The following KDM4C variants were observed in gnomAD, a reference collection of about 807,000 sequenced individuals.
KDM4C encodes the protein lysine demethylase 4C.
KDM4C carries 81 observed loss-of-function variants against 129.3 expected under a neutral mutation model. The ratio of observed to expected loss-of-function variants is 0.63; its 90% CI spans 0.52 to 0.75. The LOEUF is 0.75. Ranked by LOEUF, KDM4C falls within the 30% of genes least tolerant of loss-of-function variation. KDM4C has a pLI of 0.00. For synonymous variants in KDM4C, 573 were observed against 456.1 expected, an observed-to-expected ratio of 1.26 and a Z score of -3.26; for missense variants, 1,457 against 1,304.0, an observed-to-expected ratio of 1.12 and a Z score of -1.81.
intron 19 of KDM4C, 89 bp downstream of exon 19, chr9:7,128,325 C>G (rs1840245234): frequency 1.0e-6 from 1 of 1,001,610 alleles, no homozygotes; most frequent in South Asian, 2.5e-5. Flanking sequence ...TTTCTTTTGG[C>G]TTTTTGAGTA....
chr9:7,031,127 CTTGT>C (rs563216335), intron 15 of KDM4C, among the ~76,000 whole-genome samples: 1 of 138,324 alleles, frequency 7.2e-6, no homozygotes, highest in Non-Finnish European at 1.6e-5. Context: ...CTTTATTTTA[CTTGT>C]TTATTTATTT....
At chr9:7,016,440 T>C (rs1823704690) in intron 15 of KDM4C, among the ~76,000 whole-genome samples, 1 of 148,744 alleles carries the variant, frequency 6.7e-6, no homozygotes, top group East Asian at 2.0e-4. Context: ...TTTTTTTTTT[T>C]TTTTGAGATG....
intron 8 of KDM4C, among the ~76,000 whole-genome samples, chr9:6,930,033 A>G (rs1201281273): frequency 6.6e-6 from 1 of 152,148 alleles, no homozygotes; most frequent in East Asian, 1.9e-4. Flanking sequence ...TACTGGTGTA[A>G]TTGGATGAAT....
At chr9:6,807,472 G>A (rs2131046782) in intron 3 of KDM4C, among the ~76,000 whole-genome samples, 1 of 147,310 alleles carries the variant, frequency 6.8e-6, no homozygotes, top group East Asian at 2.0e-4. Context: ...CATCTAGGAA[G>A]TGAGGAGCGT....
intron 1 of KDM4C, among the ~76,000 whole-genome samples, chr9:6,778,840 G>T (rs1182478437): frequency 4.1e-5 from 6 of 147,530 alleles, no homozygotes; most frequent in Non-Finnish European, 7.4e-5. Flanking sequence ...TTAATTATGA[G>T]AAGGAGTCTC....
chr9:7,170,564 A>C (rs985510193), intron 21 of KDM4C: 2 of 954,130 alleles, frequency 2.1e-6, no homozygotes, highest in Non-Finnish European at 2.5e-6. Flanking sequence ...TTTAGACTTC[A>C]TATTATTGTA....
At chr9:6,740,622 G>A (rs1410202947) in intron 1 of KDM4C, among the ~76,000 whole-genome samples, 1 of 151,616 alleles carries the variant, frequency 6.6e-6, no homozygotes, top group Non-Finnish European at 1.5e-5. Flanking sequence ...GGGTTCAAGC[G>A]ATTCTCCTGC....
At chr9:6,989,160 G>A (rs2760653) in intron 11 of KDM4C, among the ~76,000 whole-genome samples, 1 of 151,712 alleles carries the variant, frequency 6.6e-6, no homozygotes, top group Admixed American at 6.6e-5. Context: ...AGCTGTCATC[G>A]TATATTGCAT....
intron 5 of KDM4C, among the ~76,000 whole-genome samples, chr9:6,854,538 A>C (rs1281708696): frequency 4.1e-5 from 6 of 146,096 alleles, no homozygotes; most frequent in South Asian, 2.1e-4. Flanking sequence ...AAAAAAAAAA[A>C]AAAAAAACAA....
intron 1 of KDM4C, among the ~76,000 whole-genome samples, chr9:6,747,172 G>A (rs1243579093): frequency 1.3e-5 from 2 of 151,150 alleles, no homozygotes; most frequent in African/African-American, 4.9e-5. Context: ...CAGCCCGGGT[G>A]ATAGAGCAAG....
In KDM4C at chr9:6,880,701, T is replaced by G. The variant is rs371350703; in HGVS notation, c.679+640T>G. Among the ~76,000 whole-genome samples the G allele has an allele frequency of 3.3e-5, 5 of 152,208 alleles. No homozygotes were observed. The East Asian group carries it at 7.7e-4, about 23-fold the overall frequency. ...TGCTGCTTCTTCTTTAGGGCCAGAA[T>G]AAAGAACTTTTCTGGACCTCTATTG... On this transcript the variant is annotated intron_variant, in intron 6 of 21. Coordinates refer to ENST00000381309, the MANE Select transcript of KDM4C (RefSeq NM_015061.6).
intron 8 of KDM4C, among the ~76,000 whole-genome samples, chr9:6,954,565 A>G (rs1828740372): frequency 6.6e-6 from 1 of 152,202 alleles, no homozygotes; most frequent in African/African-American, 2.4e-5. Context: ...ATCTATCTAT[A>G]AAATTATATG....
chr9:6,934,157 T>G (rs1346233862), intron 8 of KDM4C, among the ~76,000 whole-genome samples: 2 of 143,360 alleles, frequency 1.4e-5, no homozygotes, highest in African/African-American at 5.0e-5. Context: ...CTGGCCCAGG[T>G]CTTCCTGATT....
At chr9:7,040,620 T>C (rs1300139570) in intron 15 of KDM4C, among the ~76,000 whole-genome samples, 1 of 151,946 alleles carries the variant, frequency 6.6e-6, no homozygotes, top group Non-Finnish European at 1.5e-5. Flanking sequence ...TGAGAGTGTT[T>C]CTATTTTTCC....
chr9:6,833,064 A>G (rs974674006), intron 4 of KDM4C, among the ~76,000 whole-genome samples: 1 of 151,770 alleles, frequency 6.6e-6, no homozygotes, highest in Admixed American at 6.6e-5. Context: ...TTGTGTTTTA[A>G]ATTTTTCATA....
In KDM4C at chr9:7,022,223, A is replaced by G. The variant is rs115321704; in HGVS notation, c.2259+6294A>G. The stretch of plus-strand genomic sequence containing the variant: ...TAGTATTTTGATAGGGATTGCATTG[A>G]ATCTTTAGATAGCTTTGGATAGTGT... On this transcript the variant is annotated intron_variant, in intron 15 of 21. Coordinates refer to ENST00000381309, the MANE Select transcript of KDM4C (RefSeq NM_015061.6). 8.5e-3 allele frequency among the ~76,000 whole-genome samples: 1,301 copies of G among 152,276 alleles called. 19 individuals are homozygous for G. Among genetic ancestry groups the G allele is most frequent in the African/African-American group, 0.029 (1,206 of 41,578 alleles).
chr9:6,803,984 G>A lies in KDM4C; in HGVS notation c.145-1615G>A, dbSNP rs569195346. On this transcript the variant is annotated intron_variant, in intron 2 of 21. Coordinates refer to ENST00000381309, the MANE Select transcript of KDM4C (RefSeq NM_015061.6). ...ATTACAGGTGCCTGTCACCACGCCCGGATAATTTTTGTATTTTTAGTGGAG... is the reference window on the plus strand; with the variant it reads ...ATTACAGGTGCCTGTCACCACGCCCAGATAATTTTTGTATTTTTAGTGGAG... Among the ~76,000 whole-genome samples, 5 of 152,090 alleles carry A rather than the reference G, an allele frequency of 3.3e-5. No homozygotes were observed. In the South Asian group the frequency reaches 8.3e-4, roughly 25 times the overall value.
chr9:6,840,174 G>T (rs978346199), intron 4 of KDM4C, among the ~76,000 whole-genome samples: 1 of 151,732 alleles, frequency 6.6e-6, no homozygotes, highest in Non-Finnish European at 1.5e-5. Context: ...CCAGGCTAAG[G>T]TGCTCTTTCT....
intron 18 of KDM4C, among the ~76,000 whole-genome samples, chr9:7,127,322 A>G (rs554343896): frequency 1.3e-5 from 2 of 152,314 alleles, no homozygotes; most frequent in Admixed American, 6.5e-5. Flanking sequence ...AAATTGAACT[A>G]TACTTTGATC....
Sources: allele counts gnomAD v4.1 joint callset (sites outside exome capture counted in the v4.1 genomes callset), GRCh38; gene constraint gnomAD v4.1.1; transcripts MANE v1.5; gene names NCBI Gene and HGNC (gene_info 2026-07-23, HGNC 2026-07-21).